DGKB: variants seen among roughly 807,000 people sequenced by gnomAD.
DGKB encodes diacylglycerol kinase beta.
A neutral mutation model predicts 114.3 loss-of-function variants in DGKB; 67 were observed. The observed-to-expected ratio is 0.59, with a 90% CI of 0.48 to 0.72. The LOEUF (loss-of-function observed/expected upper bound fraction) is 0.72, where lower values mean the gene tolerates loss of function less well. DGKB is among the 30% of genes least tolerant of loss of function. The pLI is 0.00. For missense variants in DGKB, 907 were observed against 975.2 expected, an observed-to-expected ratio of 0.93 and a Z score of 0.93; for synonymous variants, 398 against 323.1, an observed-to-expected ratio of 1.23 and a Z score of -2.49.
intron 20 of DGKB, among the ~76,000 whole-genome samples, chr7:14,566,919 C>T (rs80181282): frequency 0.02 from 2,965 of 151,112 alleles, 102 homozygotes; most frequent in African/African-American, 0.067. Context: ...CTCAGATCTA[C>T]GGTTGATGTC....
At chr7:14,750,791 T>G (rs898479708) in intron 4 of DGKB, among the ~76,000 whole-genome samples, 12 of 138,038 alleles carry the variant, frequency 8.7e-5, no homozygotes, top group Non-Finnish European at 1.5e-4. Context: ...CTATTTCTAT[T>G]TCTTTTTTTT....
intron 17 of DGKB, among the ~76,000 whole-genome samples, chr7:14,586,217 G>A (rs903302009): frequency 3.9e-5 from 6 of 152,024 alleles, no homozygotes; most frequent in African/African-American, 9.7e-5. Context: ...TTACTCCAGC[G>A]AACACACAAA....
intron 12 of DGKB, among the ~76,000 whole-genome samples, chr7:14,674,706 C>T (rs1330013547): frequency 6.6e-5 from 10 of 151,972 alleles, no homozygotes; most frequent in Admixed American, 1.3e-4. Context: ...AGAGAGACAA[C>T]GGCACAGAGA....
intron 1 of DGKB, among the ~76,000 whole-genome samples, chr7:14,872,379 G>A (rs990949978): frequency 6.6e-6 from 1 of 152,106 alleles, no homozygotes; most frequent in Non-Finnish European, 1.5e-5. Flanking sequence ...CACACTATAG[G>A]CAAATACTAC....
chr7:14,412,122 A>C (rs1039187680), intron 21 of DGKB, among the ~76,000 whole-genome samples: 2 of 152,186 alleles, frequency 1.3e-5, no homozygotes, highest in Admixed American at 6.5e-5. Flanking sequence ...GTGATTGTGT[A>C]TGTGTATGCA....
intron 23 of DGKB, among the ~76,000 whole-genome samples, chr7:14,212,004 A>ATTTACTCTCATGTTTTGTGAT: frequency 3.5e-5 from 1 of 28,562 alleles, no homozygotes; most frequent in Non-Finnish European, 7.7e-5. Flanking sequence ...GTTTTGTGAT[A>ATTTACTCTCATGTTTTGTGAT]TTTACTCTCA....
intron 4 of DGKB, among the ~76,000 whole-genome samples, chr7:14,751,308 GAACA>G (rs899493048): frequency 6.6e-6 from 1 of 152,030 alleles, no homozygotes; most frequent in Non-Finnish European, 1.5e-5. Context: ...AGAAATGAAA[GAACA>G]AACATTCTAC....
chr7:14,447,278 G>A (rs990321786), intron 21 of DGKB, among the ~76,000 whole-genome samples: 2 of 152,026 alleles, frequency 1.3e-5, no homozygotes, highest in Non-Finnish European at 2.9e-5. Context: ...CTACTGCTGA[G>A]AGCTTTTCTG....
chr7:14,402,682 T>C (rs1395083616), intron 21 of DGKB, among the ~76,000 whole-genome samples: 1 of 151,962 alleles, frequency 6.6e-6, no homozygotes, highest in East Asian at 1.9e-4. Flanking sequence ...ATTAATTTTA[T>C]GTGTCAATTT....
At chr7:14,354,065 C>T (rs1300907806) in intron 21 of DGKB, among the ~76,000 whole-genome samples, 1 of 152,144 alleles carries the variant, frequency 6.6e-6, no homozygotes, top group Non-Finnish European at 1.5e-5. Flanking sequence ...CTTCCCCCAT[C>T]CCACATCCAA....
intron 21 of DGKB, among the ~76,000 whole-genome samples, chr7:14,385,186 A>G (rs774993889): frequency 3.3e-5 from 5 of 152,172 alleles, no homozygotes; most frequent in Non-Finnish European, 7.3e-5. Flanking sequence ...ACACAATGTC[A>G]CGCATGCTGT....
intron 15 of DGKB, among the ~76,000 whole-genome samples, chr7:14,616,933 C>G (rs886330550): frequency 6.6e-6 from 1 of 151,832 alleles, no homozygotes; most frequent in South Asian, 2.1e-4. Context: ...GCAGGGTATT[C>G]CAGGAGACTG....
intron 23 of DGKB, among the ~76,000 whole-genome samples, chr7:14,197,937 G>A (rs1785262077): frequency 6.6e-6 from 1 of 152,090 alleles, no homozygotes; most frequent in African/African-American, 2.4e-5. Flanking sequence ...GTCACGAGGT[G>A]TGAAATAGAT....
intron 15 of DGKB, among the ~76,000 whole-genome samples, chr7:14,616,051 CA>C (rs1183676762): frequency 1.3e-5 from 2 of 150,640 alleles, no homozygotes; most frequent in Admixed American, 6.6e-5. Context: ...GAAAAACTCT[CA>C]AATTTACAGA....
At chr7:14,533,472 A>AAAACTTATT in intron 20 of DGKB, among the ~76,000 whole-genome samples, 1 of 151,980 alleles carries the variant, frequency 6.6e-6, no homozygotes, top group South Asian at 2.1e-4. Flanking sequence ...AAAAGGGAAG[A>AAAACTTATT]AAACTTATTT....
At chr7:14,875,102 A>G (rs1853074243) in intron 1 of DGKB, among the ~76,000 whole-genome samples, 1 of 152,066 alleles carries the variant, frequency 6.6e-6, no homozygotes, top group Non-Finnish European at 1.5e-5. Context: ...GCTAAGATGA[A>G]TTCCCCTGAA....
chr7:14,556,534 G>C (rs1197332125), intron 20 of DGKB, among the ~76,000 whole-genome samples: 1 of 152,046 alleles, frequency 6.6e-6, no homozygotes, highest in Non-Finnish European at 1.5e-5. Flanking sequence ...TATTTGGAAT[G>C]CATCCCCTAT....
chr7:14,502,810 T>C (rs375533868), intron 20 of DGKB, among the ~76,000 whole-genome samples: 9 of 152,136 alleles, frequency 5.9e-5, no homozygotes, highest in African/African-American at 2.2e-4. Flanking sequence ...CTGTATGCAC[T>C]GATCATTCAA....
At chr7:14,403,807 A>C (rs1357948339) in intron 21 of DGKB, among the ~76,000 whole-genome samples, 1 of 151,942 alleles carries the variant, frequency 6.6e-6, no homozygotes, top group Non-Finnish European at 1.5e-5. Flanking sequence ...TAAACCCTAC[A>C]TGAGTCATGG....
Sources: allele counts gnomAD v4.1 joint callset (sites outside exome capture counted in the v4.1 genomes callset), GRCh38; gene constraint gnomAD v4.1.1; transcripts MANE v1.5; gene names NCBI Gene and HGNC (gene_info 2026-07-23, HGNC 2026-07-21).